SOX6: variants seen among roughly 807,000 people sequenced by gnomAD.
The protein encoded by SOX6 is transcription factor SOX-6.
In SOX6, 11 loss-of-function variants were observed where a neutral mutation model predicts 97.8. The ratio of observed to expected loss-of-function variants is 0.11; its 90% CI spans 0.07 to 0.19. SOX6 has a LOEUF of 0.19. Among genes scored for constraint, SOX6 ranks in the 10% least tolerant of loss-of-function variants. SOX6 has a pLI of 1.00. For synonymous variants in SOX6, 360 were observed against 371.4 expected (o/e 0.97, Z 0.35); for missense variants, 810 against 1,039.5 (o/e 0.78, Z 3.04).
At chr11:16,135,624 A>G (rs1008032403) in intron 6 of SOX6, among the ~76,000 whole-genome samples, 1 of 152,240 alleles carries the variant, frequency 6.6e-6, no homozygotes, top group African/African-American at 2.4e-5. Flanking sequence ...GAATTATTTC[A>G]GTCTTATAAT....
At chr11:16,359,125 T>G (rs1168501433), upstream of SOX6, among the ~76,000 whole-genome samples, 1 of 151,928 alleles carries the variant, frequency 6.6e-6, no homozygotes, top group Non-Finnish European at 1.5e-5. Context: ...AACAAATACC[T>G]CATTTTGGAG....
intron 3 of SOX6, among the ~76,000 whole-genome samples, chr11:16,240,568 T>C (rs1853164813): frequency 6.6e-6 from 1 of 151,990 alleles, no homozygotes; most frequent in Non-Finnish European, 1.5e-5. Flanking sequence ...TAGGTGCAGG[T>C]AAGAGTTATC....
intron 1 of SOX6, among the ~76,000 whole-genome samples, chr11:16,378,261 T>C (rs1857697940): frequency 6.6e-6 from 1 of 152,166 alleles, no homozygotes; most frequent in Admixed American, 6.6e-5. Context: ...CCTGAGATTT[T>C]GTCATAACAT....
intron 3 of SOX6, among the ~76,000 whole-genome samples, chr11:16,635,357 G>C (rs1352047568): frequency 6.6e-6 from 1 of 152,206 alleles, no homozygotes; most frequent in Non-Finnish European, 1.5e-5. Context: ...TGAGGAACTT[G>C]TTGGGAACTG....
At chr11:16,445,591 C>A (rs1476971773) in intron 1 of SOX6, among the ~76,000 whole-genome samples, 1 of 152,120 alleles carries the variant, frequency 6.6e-6, no homozygotes, top group Non-Finnish European at 1.5e-5. Flanking sequence ...AACTCCTTAC[C>A]TTCCTCTGGT....
chr11:16,710,470 T>G (rs867311063), intron 3 of SOX6, among the ~76,000 whole-genome samples: 3 of 152,254 alleles, frequency 2.0e-5, no homozygotes, highest in Non-Finnish European at 4.4e-5. Flanking sequence ...CATTTCTCTG[T>G]GCTTATCTTC....
intron 1 of SOX6, among the ~76,000 whole-genome samples, chr11:16,434,947 CTT>C (rs1859345832): frequency 1.3e-5 from 2 of 152,106 alleles, no homozygotes; most frequent in African/African-American, 4.8e-5. Context: ...AACAGTCTAA[CTT>C]AAATATTTAA....
chr11:16,272,456 T>A (rs963671833), intron 3 of SOX6, among the ~76,000 whole-genome samples: 1 of 151,686 alleles, frequency 6.6e-6, no homozygotes, highest in Non-Finnish European at 1.5e-5. Flanking sequence ...AAATAAACAG[T>A]CTCAAAACAG....
chr11:16,059,253 G>A (rs1181732331), intron 9 of SOX6, among the ~76,000 whole-genome samples: 1 of 151,998 alleles, frequency 6.6e-6, no homozygotes, highest in Non-Finnish European at 1.5e-5. Context: ...ATCTGCTGTG[G>A]TTAACCAGAA....
At chr11:16,046,420 T>TG in intron 12 of SOX6, 94 bp downstream of exon 12, 5 of 1,371,778 alleles carry the variant, frequency 3.6e-6, no homozygotes, top group Middle Eastern at 2.5e-4. Flanking sequence ...CCCAAATCTA[T>TG]GGCTGCAGGT....
chr11:16,185,092 C>T (rs1253746838), intron 5 of SOX6, among the ~76,000 whole-genome samples: 1 of 152,128 alleles, frequency 6.6e-6, no homozygotes, highest in East Asian at 1.9e-4. Flanking sequence ...AATTATATTT[C>T]ATTCAGCACA....
chr11:16,047,454 CA>C (rs796496568), intron 11 of SOX6, among the ~76,000 whole-genome samples: 18 of 150,188 alleles, frequency 1.2e-4, no homozygotes, highest in South Asian at 4.2e-4. Context: ...TACAAAGCTT[CA>C]AAAAAAAAGT....
intron 1 of SOX6, among the ~76,000 whole-genome samples, chr11:16,387,152 C>G (rs1214154706): frequency 6.6e-6 from 1 of 152,100 alleles, no homozygotes; most frequent in Non-Finnish European, 1.5e-5. Context: ...CACATGGAGA[C>G]CTGTAAAAAC....
chr11:16,733,391 G>A (rs1159035801), intron 2 of SOX6, among the ~76,000 whole-genome samples: 1 of 152,132 alleles, frequency 6.6e-6, no homozygotes, highest in African/African-American at 2.4e-5. Flanking sequence ...GGAATACTAT[G>A]CAGTCATAAA....
chr11:15,977,077 A>AG (rs1853508365), intron 15 of SOX6, among the ~76,000 whole-genome samples: 2 of 152,226 alleles, frequency 1.3e-5, no homozygotes, highest in East Asian at 1.9e-4. Context: ...TCATGTCACC[A>AG]GACTATGTCA....
intron 1 of SOX6, among the ~76,000 whole-genome samples, chr11:16,349,590 T>C (rs1856858748): frequency 6.7e-6 from 1 of 150,218 alleles, no homozygotes; most frequent in Non-Finnish European, 1.5e-5. Context: ...CACTCTAGCC[T>C]GGGTGACAGA....
intron 1 of SOX6, among the ~76,000 whole-genome samples, chr11:16,346,740 A>C (rs1856786797): frequency 6.6e-6 from 1 of 152,114 alleles, no homozygotes; most frequent in South Asian, 2.1e-4. Context: ...GAGGACAGTA[A>C]CTATTAGAAG....
chr11:16,383,705 G>T (rs558887556), intron 1 of SOX6, among the ~76,000 whole-genome samples: 1 of 152,008 alleles, frequency 6.6e-6, no homozygotes, highest in South Asian at 2.1e-4. Flanking sequence ...GGCATCACAT[G>T]TAAAAGCACC....
At chr11:16,302,955 A>G (rs1855310443) in intron 3 of SOX6, among the ~76,000 whole-genome samples, 1 of 149,616 alleles carries the variant, frequency 6.7e-6, no homozygotes, top group Non-Finnish European at 1.5e-5. Flanking sequence ...TGTGTTTCCT[A>G]CTAAATTATG....
Sources: allele counts gnomAD v4.1 joint callset (sites outside exome capture counted in the v4.1 genomes callset), GRCh38; gene constraint gnomAD v4.1.1; transcripts MANE v1.5; gene names NCBI Gene and HGNC (gene_info 2026-07-23, HGNC 2026-07-21).